The following PDE7B variants were observed in gnomAD, a reference collection of about 807,000 sequenced individuals.
PDE7B encodes phosphodiesterase 7B.
Under a neutral mutation model 56.2 loss-of-function variants are expected in PDE7B, and 29 were observed. That is an observed-to-expected ratio of 0.52 (90% confidence interval 0.38 to 0.70). The LOEUF (loss-of-function observed/expected upper bound fraction) is 0.70, where lower values mean the gene tolerates loss of function less well. Among genes scored for constraint, PDE7B ranks in the 30% least tolerant of loss-of-function variants. PDE7B has a pLI of 0.00. For missense variants in PDE7B, 490 were observed against 565.0 expected, an observed-to-expected ratio of 0.87 and a Z score of 1.35; for synonymous variants, 197 against 196.9, an observed-to-expected ratio of 1.00 and a Z score of 0.00.
At chr6:135,929,587 GTTTTC>G (rs1189046008) in intron 1 of PDE7B, among the ~76,000 whole-genome samples, 9 of 152,164 alleles carry the variant, frequency 5.9e-5, no homozygotes, top group Middle Eastern at 3.4e-3. Flanking sequence ...GTTTTTTCCT[GTTTTC>G]TTTTCCTTTT....
At chr6:136,003,663 A>C (rs1444604907) in intron 2 of PDE7B, among the ~76,000 whole-genome samples, 1 of 152,228 alleles carries the variant, frequency 6.6e-6, no homozygotes, top group African/African-American at 2.4e-5. Context: ...AAGAGGTTGA[A>C]TCTCTGAATA....
At chr6:136,009,517 G>C (rs1775851066) in intron 2 of PDE7B, among the ~76,000 whole-genome samples, 1 of 152,078 alleles carries the variant, frequency 6.6e-6, no homozygotes, top group Non-Finnish European at 1.5e-5. Context: ...TCCTTGAGCA[G>C]TGGTTTGTAG....
intron 2 of PDE7B, among the ~76,000 whole-genome samples, chr6:135,952,300 G>C (rs979973585): frequency 2.6e-5 from 4 of 152,098 alleles, no homozygotes; most frequent in African/African-American, 9.7e-5. Flanking sequence ...GTTTAGAAAA[G>C]CAATCGAAAA....
intron 2 of PDE7B, among the ~76,000 whole-genome samples, chr6:136,077,927 C>T (rs535327345): frequency 3.7e-4 from 56 of 152,332 alleles, no homozygotes; most frequent in Middle Eastern, 3.4e-3. Flanking sequence ...GGAGTCACCA[C>T]TGCTGATTCA....
chr6:136,171,262 G>A (rs575614656), intron 8 of PDE7B, among the ~76,000 whole-genome samples: 8 of 152,256 alleles, frequency 5.3e-5, no homozygotes, highest in African/African-American at 1.9e-4. Flanking sequence ...TAAGATAATT[G>A]AGCAAGGAAG....
chr6:136,047,640 C>T (rs1776538034), intron 2 of PDE7B, among the ~76,000 whole-genome samples: 1 of 152,148 alleles, frequency 6.6e-6, no homozygotes, highest in Non-Finnish European at 1.5e-5. Flanking sequence ...ATGTTACATA[C>T]AAATACTGAA....
intron 2 of PDE7B, among the ~76,000 whole-genome samples, chr6:136,039,884 G>A (rs920328082): frequency 5.3e-5 from 8 of 152,084 alleles, no homozygotes; most frequent in Non-Finnish European, 1.0e-4. Flanking sequence ...TAGCACTTTA[G>A]GTTTGTTTCA....
intron 1 of PDE7B, among the ~76,000 whole-genome samples, chr6:135,873,207 C>G (rs2128187149): frequency 6.6e-6 from 1 of 152,202 alleles, no homozygotes; most frequent in African/African-American, 2.4e-5. Context: ...TTTTCTCTAC[C>G]ACAAGTTTCT....
At chr6:135,977,205 T>G (rs79429417) in intron 2 of PDE7B, among the ~76,000 whole-genome samples, 10,974 of 151,764 alleles carry the variant, frequency 0.072, 503 homozygotes, top group Middle Eastern at 0.13. Flanking sequence ...ACCATAGGAG[T>G]AGATGGGCAG....
At chr6:135,970,814 G>A (rs2128202828) in intron 2 of PDE7B, among the ~76,000 whole-genome samples, 1 of 152,266 alleles carries the variant, frequency 6.6e-6, no homozygotes, top group East Asian at 1.9e-4. Flanking sequence ...GACTGTAGTG[G>A]GGCAGCGAGA....
intron 2 of PDE7B, among the ~76,000 whole-genome samples, chr6:136,104,066 A>C (rs1430700361): frequency 4.6e-5 from 7 of 152,174 alleles, no homozygotes; most frequent in African/African-American, 1.7e-4. Flanking sequence ...AGGGAGGGTG[A>C]GGGGCTGTCG....
intron 2 of PDE7B, among the ~76,000 whole-genome samples, chr6:135,970,181 A>C (rs1488887110): frequency 6.6e-6 from 1 of 152,184 alleles, no homozygotes; most frequent in Non-Finnish European, 1.5e-5. Flanking sequence ...GGTAGAGATA[A>C]ATAAAGTCAG....
chr6:136,151,483 AC>A (rs916724503), intron 6 of PDE7B, among the ~76,000 whole-genome samples: 1 of 151,996 alleles, frequency 6.6e-6, no homozygotes, highest in African/African-American at 2.4e-5. Context: ...AGGGGTGCTA[AC>A]CCCCTGTGTA....
intron 2 of PDE7B, among the ~76,000 whole-genome samples, chr6:135,993,546 C>T (rs780970883): frequency 3.3e-5 from 5 of 152,184 alleles, no homozygotes; most frequent in Non-Finnish European, 7.3e-5. Flanking sequence ...ACAGAAGCAG[C>T]CTTCTTCTCC....
Position 136,118,141 on chromosome 6 carries a change from T to A in PDE7B, c.166+9327T>A, listed in dbSNP as rs530325075. Among the ~76,000 whole-genome samples, 3 of 152,328 alleles carry A rather than the reference T, an allele frequency of 2.0e-5. No homozygotes were observed. In the East Asian group the frequency reaches 5.8e-4, roughly 29 times the overall value. ...GAGTTTTGGATGTCCCTTCTCTCTCTGCTGAGTACATCCCTCTCCAGCCAC... is the reference window on the plus strand; with the variant it reads ...GAGTTTTGGATGTCCCTTCTCTCTCAGCTGAGTACATCCCTCTCCAGCCAC... On this transcript the variant is annotated intron_variant, in intron 3 of 12. Transcript: ENST00000308191.
At chr6:136,081,498 T>A (rs1208937612) in intron 2 of PDE7B, among the ~76,000 whole-genome samples, 1 of 152,222 alleles carries the variant, frequency 6.6e-6, no homozygotes, top group Non-Finnish European at 1.5e-5. Flanking sequence ...TACTCTGGCC[T>A]CTGACATACA....
chr6:135,899,624 A>G (rs1052779932), intron 1 of PDE7B, among the ~76,000 whole-genome samples: 2 of 151,794 alleles, frequency 1.3e-5, no homozygotes, highest in Admixed American at 1.3e-4. Flanking sequence ...TTCCATTGAG[A>G]TAGTTATATT....
chr6:135,944,131 G>A (rs193072211), intron 1 of PDE7B, among the ~76,000 whole-genome samples: 171 of 152,254 alleles, frequency 1.1e-3, no homozygotes, highest in African/African-American at 3.4e-3. Flanking sequence ...TACAAAGTCA[G>A]GGTCACCTGG....
At chr6:136,024,267 A>G (rs1484792277) in intron 2 of PDE7B, among the ~76,000 whole-genome samples, 4 of 152,236 alleles carry the variant, frequency 2.6e-5, no homozygotes, top group Non-Finnish European at 5.9e-5. Flanking sequence ...AAGTTGAAAC[A>G]TAAGGAAAAG....
Sources: allele counts gnomAD v4.1 joint callset (sites outside exome capture counted in the v4.1 genomes callset), GRCh38; gene constraint gnomAD v4.1.1; transcripts MANE v1.5; gene names NCBI Gene and HGNC (gene_info 2026-07-23, HGNC 2026-07-21).